FGD5: variants seen among roughly 807,000 people sequenced by gnomAD.
FGD5 encodes FYVE, RhoGEF and PH domain-containing protein 5.
FGD5 carries 28 observed loss-of-function variants against 133.4 expected under a neutral mutation model. That is an observed-to-expected ratio of 0.21 (90% CI 0.16 to 0.29). The LOEUF (loss-of-function observed/expected upper bound fraction) is 0.29, where lower values mean the gene tolerates loss of function less well. FGD5 is among the 10% of genes least tolerant of loss of function. The pLI, the probability that FGD5 is intolerant of heterozygous loss-of-function variation, is 1.00. For missense variants in FGD5, 1,858 were observed against 1,895.2 expected, an observed-to-expected ratio of 0.98 and a Z score of 0.36; for synonymous variants, 810 against 776.5, an observed-to-expected ratio of 1.04 and a Z score of -0.72.
intron 4 of FGD5, among the ~76,000 whole-genome samples, chr3:14,888,381 C>CAATGCAGTAT (rs2037964242): frequency 6.6e-6 from 1 of 152,136 alleles, no homozygotes. Context: ...AATAGTCTGA[C>CAATGCAGTAT]AATGCAGTAT....
At chr3:14,897,322 A>G (rs190883902) in intron 4 of FGD5, 187 bp from the exon 5 acceptor site, 16 of 653,244 alleles carry the variant, frequency 2.4e-5, no homozygotes, top group Middle Eastern at 4.0e-4. Context: ...AGGCAGCCCT[A>G]TGGTCGCCAG....
At chr3:14,932,498 C>A in intron 18 of FGD5, 79 bp from the exon 19 acceptor site, 1 of 1,484,832 alleles carries the variant, frequency 6.7e-7, no homozygotes, top group Non-Finnish European at 9.1e-7. Context: ...ACTCTTCACG[C>A]ATCTCAGATT....
intron 2 of FGD5, among the ~76,000 whole-genome samples, chr3:14,871,136 A>G (rs563459607): frequency 9.2e-5 from 14 of 152,252 alleles, no homozygotes; most frequent in South Asian, 6.2e-4. Context: ...ATCTTCTGCC[A>G]TACTCTGTCA....
At chr3:14,871,003 C>A (rs2037596956) in intron 2 of FGD5, among the ~76,000 whole-genome samples, 1 of 152,210 alleles carries the variant, frequency 6.6e-6, no homozygotes, top group South Asian at 2.1e-4. Flanking sequence ...TCTGTCTGCT[C>A]CTTAAACCCA....
intron 17 of FGD5, among the ~76,000 whole-genome samples, 199 bp from the exon 18 acceptor site, chr3:14,925,871 C>T (rs75381433): frequency 0.042 from 6,346 of 152,278 alleles, 437 homozygotes; most frequent in African/African-American, 0.14. Flanking sequence ...CAGCTGGGTC[C>T]ATTCATTAAA....
In FGD5 at chr3:14,819,378, G is replaced by C. The variant is rs1217455307; in HGVS notation, c.307G>C (p.Glu103Gln). ...ESSAEEEEER[E>Q]EGGEACGLEG... ...CTCTGCGGAAGAGGAAGAGGAGCGT[G>C]AAGAGGGAGGCGAGGCATGTGGCCT... is the stretch of plus-strand genomic sequence containing the variant. Residue 103 changes from glutamate (E) to glutamine (Q), a missense_variant, in exon 1 of 20, where the codon GAA becomes CAA. Glu to Gln is a conservative substitution (Grantham distance 29). Transcript: ENST00000285046. The surrounding 1 kb of genome is among the most constrained non-coding windows in gnomAD (Gnocchi z 4.1). 2.6e-6 allele frequency: 4 copies of C among 1,549,970 alleles called. No homozygotes were observed. The Admixed American group carries it at 7.9e-5, about 30-fold the overall frequency.
intron 19 of FGD5, 52 bp from the exon 20 acceptor site, chr3:14,933,077 CAG>C (rs2038925400): frequency 1.3e-6 from 2 of 1,594,400 alleles, no homozygotes; most frequent in East Asian, 2.2e-5. Flanking sequence ...GTTCTGTGAC[CAG>C]AGTCATAGGC....
rs2038710997 is a variant in FGD5 at position 14,922,757 on chromosome 3, C to T, written c.3807+209C>T. Among the ~76,000 whole-genome samples, 1 of 152,182 alleles carries T rather than the reference C, an allele frequency of 6.6e-6. No individual in the cohort carries two copies. Among genetic ancestry groups the T allele is most frequent in the East Asian group, 1.9e-4 (1 of 5,196 alleles). On this transcript the variant is annotated intron_variant, in intron 15 of 19. Transcript: ENST00000285046. The surrounding 1 kb of genome is among the most constrained non-coding windows in gnomAD (Gnocchi z 4.1). ...TCCAAGTCCCAGGCCTCTTCCACAC[C>T]ACCACGTTTTCAACAGAAAACCGTA...
intron 1 of FGD5, among the ~76,000 whole-genome samples, chr3:14,813,365 C>G (rs938200427): frequency 6.6e-6 from 1 of 152,138 alleles, no homozygotes. Context: ...AGTGCCCTGT[C>G]GTGGATCACT....
At chr3:14,828,545 CAGT>C (rs1404297803) in intron 1 of FGD5, among the ~76,000 whole-genome samples, 1 of 152,140 alleles carries the variant, frequency 6.6e-6, no homozygotes, top group African/African-American at 2.4e-5. Context: ...CTGAGTGTAA[CAGT>C]AGGACATTGT....
rs144046820 is a variant in FGD5 at position 14,914,250 on chromosome 3, A to T, written c.3406-2999A>T. ...TTTCAGAAAATAATCTGAACTGCAG[A>T]ACAGAGTTGGGGCATCTGGGCGCCC... On this transcript the variant is annotated intron_variant, in intron 11 of 19. Coordinates refer to ENST00000285046, the MANE Select transcript of FGD5 (RefSeq NM_152536.4). 3.7e-3 allele frequency among the ~76,000 whole-genome samples: 557 copies of T among 152,336 alleles called. 7 individuals are homozygous for T. Among genetic ancestry groups the T allele is most frequent in the African/African-American group, 0.013 (534 of 41,580 alleles).
rs997411771 is a variant in FGD5 at position 14,906,112 on chromosome 3, CT to C, written c.3265-1526del. Among the ~76,000 whole-genome samples, 78 of 152,230 alleles carry C rather than the reference CT, an allele frequency of 5.1e-4. 1 individual carries two copies. The highest frequency in any genetic ancestry group is 1.8e-3 in the African/African-American group (76 of 41,538). ...TAGGTCAGAGAGCTTTTCTTTCATT[CT>C]TGCTCCATATTCAGCTTTTAGCCCT... is the stretch of plus-strand genomic sequence containing the variant. On this transcript the variant is annotated intron_variant, in intron 9 of 19. Transcript: ENST00000285046.
chr3:14,925,548 C>G (rs2038785294), intron 17 of FGD5, among the ~76,000 whole-genome samples: 1 of 152,120 alleles, frequency 6.6e-6, no homozygotes, highest in Non-Finnish European at 1.5e-5. Flanking sequence ...GCCTGCGTTC[C>G]TCACCACATA....
chr3:14,885,618 T>C (rs766677899), intron 4 of FGD5, among the ~76,000 whole-genome samples: 1 of 152,210 alleles, frequency 6.6e-6, no homozygotes, highest in Non-Finnish European at 1.5e-5. Context: ...AGAACACTTA[T>C]CTGTGGCCAC....
At chr3:14,880,337 G>A (rs1297771466) in intron 2 of FGD5, among the ~76,000 whole-genome samples, 1 of 152,208 alleles carries the variant, frequency 6.6e-6, no homozygotes, top group Non-Finnish European at 1.5e-5. Flanking sequence ...CTGGGTGATA[G>A]AGCATGACCT....
chr3:14,858,983 A>G (rs917759078), intron 1 of FGD5, among the ~76,000 whole-genome samples: 1 of 152,184 alleles, frequency 6.6e-6, no homozygotes, highest in Non-Finnish European at 1.5e-5. Flanking sequence ...TTTTACTGCT[A>G]ACTTCTGTTT....
chr3:14,932,289 G>T, intron 18 of FGD5: 1 of 255,822 alleles, frequency 3.9e-6, no homozygotes, highest in Non-Finnish European at 7.4e-6. Context: ...CACCATGTAG[G>T]CCAGGCTGGT....
At chr3:14,891,904 A>ACT (rs2038035334) in intron 4 of FGD5, among the ~76,000 whole-genome samples, 1 of 116,238 alleles carries the variant, frequency 8.6e-6, no homozygotes, top group East Asian at 2.6e-4. Flanking sequence ...TCTTCCTCTC[A>ACT]CTCTCCCCTT....
At position 14,932,688 on chromosome 3, in the gene FGD5, C is replaced by G. The variant is rs368964874; in HGVS notation, c.4309C>G (p.Leu1437Val). Residue 1437 changes from leucine (L) to valine (V), a missense_variant, in exon 19 of 20, where the codon CTA (leucine) becomes GTA (valine). This residue lies in a region of FGD5 where 1,824 missense variants were observed against 1,848.9 expected (regional missense o/e 0.99). Coordinates refer to ENST00000285046, the MANE Select transcript of FGD5 (RefSeq NM_152536.4). ...PIFHLYHKKT[L>V]FYSFKAEDTN... Reference sequence around the variant, plus strand: ...TTTTCACCTTTACCACAAGAAAACCCTATTTTATAGCTTCAAAGCAGAAGA... The same window carrying G: ...TTTTCACCTTTACCACAAGAAAACCGTATTTTATAGCTTCAAAGCAGAAGA... 2.2e-4 allele frequency: 362 copies of G among 1,613,972 alleles called. 1 individual carries two copies. The highest frequency in any genetic ancestry group is 2.0e-3 in the Middle Eastern group (12 of 6,058).
Sources: gnomAD v4.1 joint callset for allele counts (sites outside exome capture counted in the v4.1 genomes callset) on GRCh38, gnomAD v4.1.1 for gene constraint, gnomAD v4.1.1 regional missense constraint, Gnocchi (gnomAD v3.1) non-coding constraint, MANE v1.5 for transcripts, NCBI Gene and HGNC (gene_info 2026-07-23, HGNC 2026-07-21) for gene names.